The following KCNH7 variants were observed in gnomAD, a reference collection of about 807,000 sequenced individuals.
KCNH7 encodes voltage-gated inwardly rectifying potassium channel KCNH7.
KCNH7 carries 49 observed loss-of-function variants against 120.8 expected under a neutral mutation model. The ratio of observed to expected loss-of-function variants is 0.41; its 90% CI spans 0.32 to 0.51. The LOEUF is 0.51. Among genes scored for constraint, KCNH7 ranks in the 20% least tolerant of loss-of-function variants. The pLI is 0.38. For synonymous variants in KCNH7, 547 were observed against 516.1 expected (o/e 1.06, Z -0.81); for missense variants, 1,097 against 1,446.6 (o/e 0.76, Z 3.92).
At chr2:162,660,413 T>A (rs1170731739) in intron 2 of KCNH7, among the ~76,000 whole-genome samples, 1 of 152,150 alleles carries the variant, frequency 6.6e-6, no homozygotes, top group Non-Finnish European at 1.5e-5. Context: ...TACTTGAGGA[T>A]CTTTCAGTTA....
At chr2:162,420,897 C>T (rs1444874230) in intron 9 of KCNH7, among the ~76,000 whole-genome samples, 1 of 151,948 alleles carries the variant, frequency 6.6e-6, no homozygotes, top group African/African-American at 2.4e-5. Flanking sequence ...TGACAATACA[C>T]AGGGATTTCA....
At chr2:162,674,255 T>C (rs1249271683) in intron 2 of KCNH7, among the ~76,000 whole-genome samples, 1 of 151,902 alleles carries the variant, frequency 6.6e-6, no homozygotes, top group South Asian at 2.1e-4. Context: ...AAAATGATAG[T>C]AGCAGAATTA....
intron 2 of KCNH7, among the ~76,000 whole-genome samples, chr2:162,692,733 T>C (rs1686157213): frequency 6.6e-6 from 1 of 152,178 alleles, no homozygotes; most frequent in East Asian, 1.9e-4. Context: ...TGCTTTATTT[T>C]CAAACACTGG....
chr2:162,470,986 C>T (rs1689504345), intron 6 of KCNH7, among the ~76,000 whole-genome samples: 1 of 152,166 alleles, frequency 6.6e-6, no homozygotes, highest in African/African-American at 2.4e-5. Context: ...TGTGTCCACT[C>T]AGGGTTAAAT....
chr2:162,767,936 T>C (rs1034454322), intron 2 of KCNH7, among the ~76,000 whole-genome samples: 1 of 152,166 alleles, frequency 6.6e-6, no homozygotes, highest in Non-Finnish European at 1.5e-5. Flanking sequence ...ATGCTGTAAA[T>C]TGAAAAACTC....
chr2:162,465,457 C>T (rs1038056496), intron 6 of KCNH7, among the ~76,000 whole-genome samples: 1 of 152,010 alleles, frequency 6.6e-6, no homozygotes, highest in Non-Finnish European at 1.5e-5. Flanking sequence ...ATTCATGTGC[C>T]CTATACACTT....
At chr2:162,797,886 G>T (rs1347296918) in intron 2 of KCNH7, 1 of 152,072 alleles carries the variant, frequency 6.6e-6, no homozygotes, top group East Asian at 1.9e-4. Context: ...AATTAATCAA[G>T]TGCATAACAT....
At chr2:162,567,657 C>T (rs1385857) in intron 2 of KCNH7, among the ~76,000 whole-genome samples, 86,086 of 151,768 alleles carry the variant, frequency 0.57, 25,029 homozygotes, top group African/African-American at 0.67. Flanking sequence ...GAGTACTTTT[C>T]CCCTGTTTTA....
intron 2 of KCNH7, among the ~76,000 whole-genome samples, chr2:162,672,163 A>G (rs527715381): frequency 3.9e-5 from 6 of 152,242 alleles, no homozygotes; most frequent in African/African-American, 1.4e-4. Flanking sequence ...TAGACAAAAC[A>G]TTTGACAAAC....
intron 2 of KCNH7, among the ~76,000 whole-genome samples, chr2:162,633,096 A>G (rs1574197578): frequency 6.6e-6 from 1 of 151,906 alleles, no homozygotes; most frequent in African/African-American, 2.4e-5. Context: ...AATATTTACA[A>G]TTCATAAAGC....
At chr2:162,691,829 T>G (rs926021637) in intron 2 of KCNH7, among the ~76,000 whole-genome samples, 4 of 152,188 alleles carry the variant, frequency 2.6e-5, no homozygotes, top group African/African-American at 9.7e-5. Context: ...CTGTTACTAC[T>G]AATTAATTTT....
chr2:162,613,451 AC>A (rs1683035978), intron 2 of KCNH7, among the ~76,000 whole-genome samples: 1 of 152,022 alleles, frequency 6.6e-6, no homozygotes, highest in Non-Finnish European at 1.5e-5. Context: ...ATTCTAACCC[AC>A]AAAAAATATC....
intron 2 of KCNH7, among the ~76,000 whole-genome samples, chr2:162,814,211 G>C (rs1456178643): frequency 2.0e-5 from 3 of 152,158 alleles, no homozygotes; most frequent in African/African-American, 4.8e-5. Context: ...TGGTTAGTCA[G>C]GTGGCATTTG....
intron 2 of KCNH7, among the ~76,000 whole-genome samples, chr2:162,740,608 T>C (rs1250648512): frequency 1.3e-5 from 2 of 152,210 alleles, no homozygotes; most frequent in Non-Finnish European, 2.9e-5. Flanking sequence ...ACGGTAATGA[T>C]GTTTCAATAG....
intron 2 of KCNH7, among the ~76,000 whole-genome samples, chr2:162,679,610 T>C (rs904756002): frequency 1.3e-5 from 2 of 151,710 alleles, no homozygotes; most frequent in East Asian, 3.9e-4. Flanking sequence ...TCTTGCTTTT[T>C]TGTTATGAGT....
At chr2:162,797,735 G>A (rs868440943) in intron 2 of KCNH7, 2 of 151,994 alleles carry the variant, frequency 1.3e-5, no homozygotes, top group Non-Finnish European at 2.9e-5. Context: ...GTGCCCTTAG[G>A]AGGGCTGTAA....
intron 2 of KCNH7, among the ~76,000 whole-genome samples, chr2:162,730,821 A>C (rs545987575): frequency 2.8e-4 from 42 of 152,240 alleles, no homozygotes; most frequent in African/African-American, 1.0e-3. Flanking sequence ...AAAATCTTCA[A>C]CAAAATTAAA....
At chr2:162,492,520 C>T (rs983442528) in intron 6 of KCNH7, among the ~76,000 whole-genome samples, 3 of 152,138 alleles carry the variant, frequency 2.0e-5, no homozygotes, top group African/African-American at 4.8e-5. Context: ...GATTATCTTC[C>T]CCTCCATGAA....
intron 3 of KCNH7, among the ~76,000 whole-genome samples, chr2:162,520,710 A>G (rs926230007): frequency 1.3e-5 from 2 of 151,906 alleles, no homozygotes; most frequent in African/African-American, 4.8e-5. Context: ...TTGAGGCTAC[A>G]GTTAGCTATG....
Sources: gnomAD v4.1 joint callset for allele counts (sites outside exome capture counted in the v4.1 genomes callset) on GRCh38, gnomAD v4.1.1 for gene constraint, MANE v1.5 for transcripts, NCBI Gene and HGNC (gene_info 2026-07-23, HGNC 2026-07-21) for gene names.